The following CCDC73 variants were observed in gnomAD, a reference collection of about 807,000 sequenced individuals.
CCDC73 encodes coiled-coil domain containing 73, also known as coiled-coil domain-containing protein 73.
In CCDC73, 95 loss-of-function variants were observed where a neutral mutation model predicts 116.5. The ratio of observed to expected loss-of-function variants is 0.82; its 90% confidence interval spans 0.69 to 0.97. The LOEUF (loss-of-function observed/expected upper bound fraction) is 0.97. CCDC73 is among the 50% of genes least tolerant of loss of function. The pLI is 0.00. For synonymous variants in CCDC73, 398 were observed against 401.3 expected, an observed-to-expected ratio of 0.99 and a Z score of 0.10; for missense variants, 1,066 against 1,206.8, an observed-to-expected ratio of 0.88 and a Z score of 1.73.
intron 2 of CCDC73, among the ~76,000 whole-genome samples, chr11:32,720,576 A>T (rs112577804): frequency 0.024 from 3,663 of 152,172 alleles, 142 homozygotes; most frequent in African/African-American, 0.081. Flanking sequence ...AAATAAAACT[A>T]CCTCTATTTG....
At chr11:32,691,195 C>T (rs112318886) in intron 6 of CCDC73, among the ~76,000 whole-genome samples, 12,077 of 151,988 alleles carry the variant, frequency 0.079, 502 homozygotes, top group Non-Finnish European at 0.091. Context: ...CAGGCACCTG[C>T]CACCACACCC....
rs200480161 is a variant in CCDC73, at chr11:32,614,426, G to A, written c.1892C>T (p.Ser631Leu). 1.3e-5 allele frequency: 21 copies of A among 1,613,274 alleles called. No individual in the cohort carries two copies. In the South Asian group the frequency reaches 1.8e-4, roughly 13 times the overall value. The change falls in exon 16 of 18, where the codon TCG becomes TTG. Residue 631 changes from serine (S) to leucine (L), a missense_variant. Coordinates refer to ENST00000335185, the MANE Select transcript of CCDC73 (RefSeq NM_001008391.4). ...NSDQTKADLDSSLDIKKNPVP... is the reference protein window; with the variant it reads ...NSDQTKADLDLSLDIKKNPVP... ...AGGATTTTTTTTTATATCTAGAGAC[G>A]AGTCCAAATCTGCTTTGGTTTGGTC...
At chr11:32,687,837 A>G (rs1024602103) in intron 6 of CCDC73, among the ~76,000 whole-genome samples, 1 of 152,106 alleles carries the variant, frequency 6.6e-6, no homozygotes, top group Admixed American at 6.6e-5. Context: ...CCAGGGCAAG[A>G]TCAGGTAAAG....
chr11:32,624,267 G>A (rs1244004063), intron 14 of CCDC73, among the ~76,000 whole-genome samples: 2 of 152,176 alleles, frequency 1.3e-5, no homozygotes, highest in South Asian at 4.1e-4. Flanking sequence ...TTGAACCCAG[G>A]AGGCGGAGGT....
chr11:32,657,947 C>T (rs931338720), intron 9 of CCDC73, among the ~76,000 whole-genome samples: 1 of 151,448 alleles, frequency 6.6e-6, no homozygotes, highest in African/African-American at 2.4e-5. Flanking sequence ...CTGCAGTGAC[C>T]GATAATTGCG....
At chr11:32,768,965 G>A (rs1005607471) in intron 1 of CCDC73, among the ~76,000 whole-genome samples, 14 of 152,090 alleles carry the variant, frequency 9.2e-5, no homozygotes, top group African/African-American at 3.4e-4. Flanking sequence ...CCCAGGAAAA[G>A]GTACTAGCTT....
At chr11:32,690,362 G>A (rs995996204) in intron 6 of CCDC73, among the ~76,000 whole-genome samples, 2 of 152,138 alleles carry the variant, frequency 1.3e-5, no homozygotes, top group African/African-American at 4.8e-5. Context: ...GGAAGGTAAA[G>A]AGATATACCA....
intron 6 of CCDC73, among the ~76,000 whole-genome samples, chr11:32,691,007 C>T (rs969557873): frequency 6.6e-6 from 1 of 151,258 alleles, no homozygotes; most frequent in Non-Finnish European, 1.5e-5. Context: ...CTTCTGTACT[C>T]TGTCTTTTTA....
chr11:32,689,974 GACA>G (rs1856239748), intron 6 of CCDC73, among the ~76,000 whole-genome samples: 1 of 152,088 alleles, frequency 6.6e-6, no homozygotes, highest in Admixed American at 6.6e-5. Flanking sequence ...CAGCCTGGAT[GACA>G]GAGCAAGACT....
intron 6 of CCDC73, among the ~76,000 whole-genome samples, chr11:32,688,938 G>A (rs971092218): frequency 2.4e-4 from 37 of 152,280 alleles, no homozygotes; most frequent in African/African-American, 8.7e-4. Context: ...TGATGCTTTG[G>A]TAATCCAGAA....
intron 3 of CCDC73, among the ~76,000 whole-genome samples, chr11:32,710,808 G>A (rs145006366): frequency 6.6e-6 from 1 of 152,176 alleles, no homozygotes; most frequent in African/African-American, 2.4e-5. Context: ...CTATTATTGT[G>A]TTGCCATCTA....
the CCDC73 span, among the ~76,000 whole-genome samples, chr11:32,824,578 C>T: frequency 6.6e-6 from 1 of 152,108 alleles, no homozygotes; most frequent in Admixed American, 6.5e-5. Flanking sequence ...TTGTTTCATT[C>T]ACTTAAAAAC....
In CCDC73 at chr11:32,724,619, A is replaced by G. The variant is rs78618452; in HGVS notation, c.136-6472T>C. Among the ~76,000 whole-genome samples, 170 of 152,266 alleles carry G rather than the reference A, an allele frequency of 1.1e-3. 2 individuals are homozygous for G. In the East Asian group the frequency reaches 0.019, roughly 17 times the overall value. ...CAATAGATTTCATGTTGAAATCTGT[A>G]TTTCTAGTTTTTCTTCAATAATTGA... On this transcript the variant is annotated intron_variant, in intron 2 of 17. Transcript: ENST00000335185.
intron 1 of CCDC73, 171 bp downstream of exon 1, chr11:32,794,442 G>A (rs1850705349): frequency 6.6e-6 from 1 of 152,370 alleles, no homozygotes; most frequent in Admixed American, 6.5e-5. Flanking sequence ...TCTAGACACA[G>A]CCCAGCAGTC....
chr11:32,755,124 G>T (rs1223808981), intron 2 of CCDC73, among the ~76,000 whole-genome samples: 3 of 147,686 alleles, frequency 2.0e-5, no homozygotes, highest in Admixed American at 6.9e-5. Flanking sequence ...CTGACCTCGT[G>T]ATCCACCCAC....
rs187391030 is a variant in CCDC73 at position 32,721,216 on chromosome 11, G to A, written c.136-3069C>T. On this transcript the variant is annotated intron_variant, in intron 2 of 17. Transcript: ENST00000335185. Reference sequence around the variant, plus strand: ...ATTTTTATATTTTTAGTAGAAATGGGGTTTTACCATGTTGGCCAGGCTGGT... The same window carrying A: ...ATTTTTATATTTTTAGTAGAAATGGAGTTTTACCATGTTGGCCAGGCTGGT... Among the ~76,000 whole-genome samples the A allele has an allele frequency of 4.6e-5, 7 of 152,126 alleles. No individual in the cohort carries two copies. The East Asian group carries it at 1.2e-3, about 25-fold the overall frequency.
At chr11:32,734,953 T>C (rs1022117091) in intron 2 of CCDC73, among the ~76,000 whole-genome samples, 1 of 152,190 alleles carries the variant, frequency 6.6e-6, no homozygotes, top group Non-Finnish European at 1.5e-5. Flanking sequence ...GAAAAGGCCT[T>C]TGACAAAATT....
chr11:32,777,560 C>T (rs1461219191), intron 1 of CCDC73, among the ~76,000 whole-genome samples: 1 of 152,094 alleles, frequency 6.6e-6, no homozygotes, highest in Non-Finnish European at 1.5e-5. Context: ...GGATTAACAA[C>T]CCTAACAGGG....
At chr11:32,786,288 G>C (rs1292526957) in intron 1 of CCDC73, among the ~76,000 whole-genome samples, 1 of 149,314 alleles carries the variant, frequency 6.7e-6, no homozygotes, top group Non-Finnish European at 1.5e-5. Flanking sequence ...ACTTTTGTAA[G>C]TAGTTCATTT....
Sources: allele counts gnomAD v4.1 joint callset (sites outside exome capture counted in the v4.1 genomes callset), GRCh38; gene constraint gnomAD v4.1.1; transcripts MANE v1.5; gene names NCBI Gene and HGNC (gene_info 2026-07-23, HGNC 2026-07-21).